Variants in ABI3BP observed in about 807,000 individuals in gnomAD.
The protein encoded by ABI3BP is target of Nesh-SH3.
ABI3BP carries 216 observed loss-of-function variants against 268.6 expected under a neutral mutation model. The observed-to-expected ratio is 0.80, with a 90% CI of 0.72 to 0.90. The LOEUF is 0.90. Ranked by LOEUF, ABI3BP falls within the 40% of genes least tolerant of loss-of-function variation. ABI3BP has a pLI of 0.00. For missense variants in ABI3BP, 2,090 were observed against 2,182.4 expected (o/e 0.96, Z 0.84); for synonymous variants, 730 against 730.0 (o/e 1.00, Z 0.00).
At chr3:100,865,835 C>T (rs971166263) in intron 10 of ABI3BP, among the ~76,000 whole-genome samples, 3 of 152,128 alleles carry the variant, frequency 2.0e-5, no homozygotes, top group African/African-American at 7.2e-5. Flanking sequence ...AGAGCCATGC[C>T]TATGCTTTTC....
intron 61 of ABI3BP, among the ~76,000 whole-genome samples, chr3:100,773,300 A>T (rs180773155): frequency 6.6e-6 from 1 of 152,240 alleles, no homozygotes; most frequent in East Asian, 1.9e-4. Flanking sequence ...TCCATTTTTT[A>T]AAATGGGCAA....
At chr3:100,988,041 T>C (rs2092260868) in intron 1 of ABI3BP, among the ~76,000 whole-genome samples, 1 of 152,168 alleles carries the variant, frequency 6.6e-6, no homozygotes, top group Non-Finnish European at 1.5e-5. Context: ...GTCCCAGCAA[T>C]ACATAAATAT....
At chr3:100,978,656 G>T (rs10511180) in intron 1 of ABI3BP, among the ~76,000 whole-genome samples, 5 of 152,072 alleles carry the variant, frequency 3.3e-5, no homozygotes, top group Non-Finnish European at 7.4e-5. Flanking sequence ...CACTCTATCA[G>T]CTAAATTTTT....
intron 6 of ABI3BP, among the ~76,000 whole-genome samples, chr3:100,878,748 G>T (rs1041912031): frequency 2.6e-5 from 4 of 151,840 alleles, no homozygotes; most frequent in African/African-American, 9.7e-5. Flanking sequence ...ACTCACTCAC[G>T]AGCCCACCTT....
rs796288554 is a variant in ABI3BP, at chr3:100,797,916, G to GT, written c.3758-1449dup. The stretch of plus-strand genomic sequence containing the variant: ...AGTGAACATTTTGCTTTTGCATGTG[G>GT]TTTTTTTTGGGATTCAAATAGTAAC... On this transcript the variant is annotated intron_variant, in intron 51 of 67. Coordinates refer to ENST00000471714, the MANE Select transcript of ABI3BP (RefSeq NM_001375547.2). 4.7e-3 allele frequency among the ~76,000 whole-genome samples: 707 copies of GT among 151,958 alleles called. 10 individuals carry two copies. The highest frequency in any genetic ancestry group is 0.016 in the African/African-American group (660 of 41,472).
At chr3:100,861,256 C>G (rs1424208198) in intron 14 of ABI3BP, among the ~76,000 whole-genome samples, 1 of 152,132 alleles carries the variant, frequency 6.6e-6, no homozygotes, top group East Asian at 1.9e-4. Flanking sequence ...CATCTTCTAT[C>G]TTTTGCAGAT....
intron 1 of ABI3BP, among the ~76,000 whole-genome samples, chr3:100,980,325 G>A (rs9882863): frequency 0.16 from 24,302 of 152,002 alleles, 2,060 homozygotes; most frequent in Middle Eastern, 0.23. Flanking sequence ...CTGCCTCCCC[G>A]GTTCACGCCA....
intron 1 of ABI3BP, among the ~76,000 whole-genome samples, chr3:100,992,098 TGGTA>T (rs1216433499): frequency 6.6e-6 from 1 of 152,200 alleles, no homozygotes; most frequent in Non-Finnish European, 1.5e-5. Context: ...GCAAAACTCT[TGGTA>T]GAAAAAGATC....
chr3:100,846,653 A>T, intron 19 of ABI3BP: 1 of 405,774 alleles, frequency 2.5e-6, no homozygotes, highest in Admixed American at 4.0e-5. Flanking sequence ...TAGAAAAAAC[A>T]TTTCAAGAGT....
intron 34 of ABI3BP, among the ~76,000 whole-genome samples, chr3:100,827,697 A>G (rs1013433258): frequency 1.8e-4 from 27 of 152,130 alleles, no homozygotes; most frequent in Admixed American, 5.2e-4. Flanking sequence ...AGATACTTCA[A>G]TAACAAATTT....
Position 100,828,432 on chromosome 3 carries a change from G to A in ABI3BP, c.2563C>T (p.Pro855Ser). The A allele has an allele frequency of 6.5e-7, 1 of 1,535,140 alleles. No homozygotes were observed. ...TELVPATIFEPVSPIKEAPGT... is the reference protein window; with the variant it reads ...TELVPATIFESVSPIKEAPGT... ...GGAGCCTCTTTTATAGGAGAAACTGGTTCAAAGATTGTAGCAGGAACTGGC... is the reference window on the plus strand; with the variant it reads ...GGAGCCTCTTTTATAGGAGAAACTGATTCAAAGATTGTAGCAGGAACTGGC... The change falls in exon 34 of 68, where the codon CCA becomes TCA. Residue 855 changes from proline (P) to serine (S), a missense_variant. Physicochemically the swap from Pro to Ser is moderately conservative, Grantham distance 74. Coordinates refer to ENST00000471714, the MANE Select transcript of ABI3BP (RefSeq NM_001375547.2).
intron 1 of ABI3BP, among the ~76,000 whole-genome samples, chr3:100,975,221 G>A (rs923696610): frequency 6.6e-6 from 1 of 152,024 alleles, no homozygotes. Context: ...TTTACACTTG[G>A]ATGTAGATAA....
intron 1 of ABI3BP, among the ~76,000 whole-genome samples, chr3:100,967,347 C>T (rs552255158): frequency 6.6e-6 from 1 of 151,722 alleles, no homozygotes; most frequent in East Asian, 1.9e-4. Context: ...GTCAAAAATA[C>T]AAAAATTAGC....
chr3:100,786,130 G>A (rs972407978), intron 57 of ABI3BP, among the ~76,000 whole-genome samples: 2 of 152,132 alleles, frequency 1.3e-5, no homozygotes, highest in African/African-American at 2.4e-5. Flanking sequence ...CAGGCAGGCA[G>A]CAAGTCCTTC....
intron 2 of ABI3BP, among the ~76,000 whole-genome samples, chr3:100,910,211 A>G (rs1241316414): frequency 6.6e-6 from 1 of 152,146 alleles, no homozygotes; most frequent in Non-Finnish European, 1.5e-5. Context: ...GTGAACAATG[A>G]GAACACATGG....
rs1359389057 is a variant in ABI3BP, at chr3:100,796,443, A to G, written c.3783T>C (p.His1261=). The G allele has an allele frequency of 6.2e-7, 1 of 1,603,784 alleles. No homozygotes were observed. Among genetic ancestry groups the G allele is most frequent in the East Asian group, 2.2e-5 (1 of 44,518 alleles). The part of the protein sequence containing the change: ...TPAPKDVLLP[H]KPYPEVSQSE... Reference sequence around the variant, plus strand: ...TCTGAGAGACCTCAGGGTATGGTTTATGAGGAAGGAGCACATCTTTTGGAG... The same window carrying G: ...TCTGAGAGACCTCAGGGTATGGTTTGTGAGGAAGGAGCACATCTTTTGGAG... Residue 1261 remains histidine, a synonymous_variant, in exon 52 of 68, where the codon CAT becomes CAC. Coordinates refer to ENST00000471714, the MANE Select transcript of ABI3BP (RefSeq NM_001375547.2).
intron 18 of ABI3BP, 120 bp downstream of exon 18, chr3:100,848,681 C>T (rs1180525577): frequency 1.2e-5 from 11 of 915,912 alleles, no homozygotes; most frequent in Non-Finnish European, 1.6e-5. Flanking sequence ...CCTGCCTTGG[C>T]CTCCCAAAGT....
At chr3:100,900,595 T>TA (rs1279937636) in intron 3 of ABI3BP, among the ~76,000 whole-genome samples, 2 of 152,196 alleles carry the variant, frequency 1.3e-5, no homozygotes, top group Non-Finnish European at 2.9e-5. Flanking sequence ...CAAGGGAAAC[T>TA]AATGGTCTCC....
At chr3:100,909,825 G>A (rs1287471363) in intron 2 of ABI3BP, among the ~76,000 whole-genome samples, 1 of 152,182 alleles carries the variant, frequency 6.6e-6, no homozygotes, top group Non-Finnish European at 1.5e-5. Flanking sequence ...TGGTGGGAGT[G>A]TAAATTAGTT....
Sources: gnomAD v4.1 joint callset for allele counts (sites outside exome capture counted in the v4.1 genomes callset) on GRCh38, gnomAD v4.1.1 for gene constraint, MANE v1.5 for transcripts, NCBI Gene and HGNC (gene_info 2026-07-23, HGNC 2026-07-21) for gene names.